Variants in RB1CC1 observed in about 807,000 individuals in gnomAD.
The protein encoded by RB1CC1 is RB1-inducible coiled-coil protein 1.
RB1CC1 carries 46 observed loss-of-function variants against 177.5 expected under a neutral mutation model. The ratio of observed to expected loss-of-function variants is 0.26; its 90% CI spans 0.20 to 0.33. The LOEUF is 0.33. Among genes scored for constraint, RB1CC1 ranks in the 10% least tolerant of loss-of-function variants. RB1CC1 has a pLI of 1.00. For missense variants in RB1CC1, 1,703 were observed against 1,816.3 expected, an observed-to-expected ratio of 0.94 and a Z score of 1.13; for synonymous variants, 666 against 613.6, an observed-to-expected ratio of 1.09 and a Z score of -1.26.
At chr8:52,651,701 C>T (rs921726737) in intron 15 of RB1CC1, among the ~76,000 whole-genome samples, 3 of 152,166 alleles carry the variant, frequency 2.0e-5, no homozygotes, top group Non-Finnish European at 2.9e-5. Context: ...CACCACAAAG[C>T]ACTCAAAGTG....
rs1301719186 is a variant in RB1CC1, at chr8:52,656,294, G to A, written c.3535C>T (p.Leu1179=). 2.5e-6 allele frequency: 4 copies of A among 1,613,038 alleles called. No homozygotes were observed. Among genetic ancestry groups the A allele is most frequent in the Non-Finnish European group, 3.4e-6 (4 of 1,179,794 alleles). The change falls in exon 15 of 24, where the codon CTG becomes TTG. Residue 1179 remains leucine (L), a synonymous_variant. Transcript: ENST00000025008. ...EKNLKEQIIE[L]QSKLDSELSA... ...AATTCTGAATCCAATTTACTCTGCAGTTCAATTATTTGTTCTTTTAGGTTT... is the reference window on the plus strand; with the variant it reads ...AATTCTGAATCCAATTTACTCTGCAATTCAATTATTTGTTCTTTTAGGTTT...
chr8:52,674,174 C>T lies in RB1CC1; in HGVS notation c.673G>A (p.Glu225Lys), dbSNP rs1192419645. 1.9e-6 allele frequency: 3 copies of T among 1,613,350 alleles called. No homozygotes were observed. In the Admixed American group the frequency reaches 5.0e-5, roughly 27 times the overall value. ...ECLGRLDSLPEHEDSEKAEMK... is the reference protein window; with the variant it reads ...ECLGRLDSLPKHEDSEKAEMK... ...TCAGCTTTTTCTGAGTCTTCATGTT[C>T]AGGTAAAGAATCCAGTCTTCCCAAA... Residue 225 changes from glutamate to lysine, a missense_variant, in exon 7 of 24, where the codon GAA becomes AAA. This residue lies in a region of RB1CC1 where 315 missense variants were observed against 304.9 expected (regional missense o/e 1.03). Transcript: ENST00000025008.
At chr8:52,640,104 CAT>C (rs1849444212) in intron 18 of RB1CC1, among the ~76,000 whole-genome samples, 1 of 152,262 alleles carries the variant, frequency 6.6e-6, no homozygotes, top group East Asian at 1.9e-4. Context: ...CCACTTTCGT[CAT>C]ATCTGTTTTT....
chr8:52,671,782 A>G (rs1455839003), intron 7 of RB1CC1, among the ~76,000 whole-genome samples: 1 of 152,164 alleles, frequency 6.6e-6, no homozygotes, highest in Non-Finnish European at 1.5e-5. Flanking sequence ...AATGTATGCC[A>G]TGGTGGTTTG....
At chr8:52,642,997 C>T in intron 16 of RB1CC1, 185 bp from the exon 17 acceptor site, 2 of 589,524 alleles carry the variant, frequency 3.4e-6, no homozygotes, top group Non-Finnish European at 5.0e-6. Flanking sequence ...TTTCTTGGTT[C>T]CAATTTAAGT....
chr8:52,678,516 C>T (rs546218516), intron 5 of RB1CC1, among the ~76,000 whole-genome samples: 2 of 152,134 alleles, frequency 1.3e-5, no homozygotes, highest in African/African-American at 4.8e-5. Flanking sequence ...GAGAGAAATG[C>T]ATTTTGTGTG....
chr8:52,660,532 T>C, intron 12 of RB1CC1, 64 bp downstream of exon 12: 2 of 1,375,886 alleles, frequency 1.5e-6, no homozygotes, highest in Non-Finnish European at 1.0e-6. Flanking sequence ...TAAATGTCTC[T>C]ACTTCTGGAA....
chr8:52,685,947 T>C (rs1854242989), intron 2 of RB1CC1: 1 of 152,266 alleles, frequency 6.6e-6, no homozygotes, highest in Non-Finnish European at 1.5e-5. Flanking sequence ...TAATCGCAAA[T>C]TAAGAGTAGC....
chr8:52,624,388 T>A (rs1351998770), intron 23 of RB1CC1, among the ~76,000 whole-genome samples: 2 of 152,032 alleles, frequency 1.3e-5, no homozygotes, highest in African/African-American at 4.8e-5. Context: ...TCAACTGTAT[T>A]TATAAATAAA....
chr8:52,648,835 CT>C (rs1031816390), intron 15 of RB1CC1, among the ~76,000 whole-genome samples: 23 of 152,236 alleles, frequency 1.5e-4, no homozygotes, highest in African/African-American at 5.5e-4. Context: ...CATCTTTTCA[CT>C]TAAACGAAGC....
Position 52,683,942 on chromosome 8 carries a change from T to C in RB1CC1, c.143A>G (p.Asn48Ser), listed in dbSNP as rs766400698. 3.8e-5 allele frequency: 61 copies of C among 1,614,036 alleles called. No homozygotes were observed. The highest frequency in any genetic ancestry group is 1.2e-4 in the African/African-American group (9 of 74,922). Reference sequence around the variant, plus strand: ...ATCTGCAGCCATGCATTCTCCTCCATTGACCACCAGCACCTGGTGTTGAAT... The same window carrying C: ...ATCTGCAGCCATGCATTCTCCTCCACTGACCACCAGCACCTGGTGTTGAAT... ...IAIQHQVLVV[N>S]GGECMAADRR... Residue 48 changes from asparagine to serine, a missense_variant, in exon 4 of 24, where the codon AAT becomes AGT. Asn to Ser is a conservative substitution (Grantham distance 46, BLOSUM62 1). Transcript: ENST00000025008.
At chr8:52,659,319 TATA>T (rs1229215935) in intron 12 of RB1CC1, among the ~76,000 whole-genome samples, 2 of 152,046 alleles carry the variant, frequency 1.3e-5, no homozygotes, top group African/African-American at 2.4e-5. Context: ...TGCGTATATA[TATA>T]ATATTTACCA....
intron 5 of RB1CC1, among the ~76,000 whole-genome samples, chr8:52,680,470 T>C (rs1853592079): frequency 6.6e-6 from 1 of 152,206 alleles, no homozygotes; most frequent in African/African-American, 2.4e-5. Flanking sequence ...CATTTCAAGA[T>C]GAAATCTGAA....
chr8:52,691,122 T>G (rs1854816458), intron 1 of RB1CC1, among the ~76,000 whole-genome samples: 1 of 152,218 alleles, frequency 6.6e-6, no homozygotes, highest in South Asian at 2.1e-4. Context: ...ATCATCATAT[T>G]GCTTTTAGCT....
At chr8:52,668,308 A>ATT in intron 7 of RB1CC1, 117 bp from the exon 8 acceptor site, 1 of 1,185,286 alleles carries the variant, frequency 8.4e-7, no homozygotes, top group Admixed American at 2.5e-5. Flanking sequence ...ATAAAAAAGC[A>ATT]AAAGCATGGG....
At chr8:52,640,342 G>A (rs2150404816) in intron 18 of RB1CC1, among the ~76,000 whole-genome samples, 1 of 152,254 alleles carries the variant, frequency 6.6e-6, no homozygotes, top group South Asian at 2.1e-4. Context: ...ATAATGTACT[G>A]CGCTATCTCA....
chr8:52,675,517 T>C (rs541571650), intron 6 of RB1CC1, among the ~76,000 whole-genome samples: 2 of 152,126 alleles, frequency 1.3e-5, no homozygotes, highest in South Asian at 4.1e-4. Context: ...AAAGAATCAA[T>C]GTGTATTAAA....
chr8:52,675,939 T>TC (rs1204214409), intron 6 of RB1CC1, among the ~76,000 whole-genome samples: 5 of 151,642 alleles, frequency 3.3e-5, no homozygotes, highest in African/African-American at 1.2e-4. Context: ...GGGCTTTTTT[T>TC]CCACCTCATC....
In RB1CC1 at chr8:52,658,940, C is replaced by A; in HGVS notation, c.1726G>T (p.Asp576Tyr). The A allele has an allele frequency of 6.3e-7, 1 of 1,580,142 alleles. No homozygotes were observed. Among genetic ancestry groups the A allele is most frequent in the East Asian group, 2.3e-5 (1 of 43,132 alleles). Residue 576 changes from aspartate (D) to tyrosine (Y), a missense_variant, in exon 13 of 24, where the codon GAT (aspartate) becomes TAT (tyrosine). Coordinates refer to ENST00000025008, the MANE Select transcript of RB1CC1 (RefSeq NM_014781.5). ...KPRKFDCELP[D>Y]ISLKDLQFLQ... ...AACTGTAAATCTTTTAATGAAATAT[C>A]TGGAAGTTCACAGTCAAACTTTCGA...
Sources: allele counts gnomAD v4.1 joint callset (sites outside exome capture counted in the v4.1 genomes callset), GRCh38; gene constraint gnomAD v4.1.1; regional missense constraint gnomAD v4.1.1; transcripts MANE v1.5; gene names NCBI Gene and HGNC (gene_info 2026-07-23, HGNC 2026-07-21).